RBM33: variants seen among roughly 807,000 people sequenced by gnomAD.
The protein encoded by RBM33 is RNA-binding protein 33.
In RBM33, 28 loss-of-function variants were observed where a neutral mutation model predicts 132.6. That is an observed-to-expected ratio of 0.21 (90% CI 0.16 to 0.29). The LOEUF is 0.29. Ranked by LOEUF, RBM33 falls within the 10% of genes least tolerant of loss-of-function variation. RBM33 has a pLI of 1.00. For synonymous variants in RBM33, 634 were observed against 593.0 expected (o/e 1.07, Z -1.01); for missense variants, 1,291 against 1,518.5 (o/e 0.85, Z 2.49).
chr7:155,758,488 C>T (rs1801922833), intron 14 of RBM33, among the ~76,000 whole-genome samples: 1 of 152,168 alleles, frequency 6.6e-6, no homozygotes, highest in South Asian at 2.1e-4. Context: ...ATTCATGCTC[C>T]CGTGAGAATG....
chr7:155,704,707 T>G (rs1269271191), intron 6 of RBM33, among the ~76,000 whole-genome samples: 2 of 152,270 alleles, frequency 1.3e-5, no homozygotes, highest in Non-Finnish European at 2.9e-5. Flanking sequence ...CCAGATTATT[T>G]TATTCCGAGT....
At chr7:155,762,811 C>G (rs145511797) in intron 14 of RBM33, among the ~76,000 whole-genome samples, 2 of 152,188 alleles carry the variant, frequency 1.3e-5, no homozygotes, top group Non-Finnish European at 2.9e-5. Flanking sequence ...GTGACTGACA[C>G]TCCCTCCCTG....
At chr7:155,771,110 G>C (rs1003996778) in intron 16 of RBM33, among the ~76,000 whole-genome samples, 1 of 152,186 alleles carries the variant, frequency 6.6e-6, no homozygotes. Flanking sequence ...TGAAGAAGGA[G>C]GTCCTTACAT....
chr7:155,727,917 C>G (rs1275164358), intron 9 of RBM33, among the ~76,000 whole-genome samples: 5 of 149,408 alleles, frequency 3.3e-5, no homozygotes, highest in Non-Finnish European at 7.4e-5. Context: ...GTGTGTCCCA[C>G]CATGCCTGGC....
intron 5 of RBM33, among the ~76,000 whole-genome samples, chr7:155,695,522 T>C (rs1799766398): frequency 6.6e-6 from 1 of 152,112 alleles, no homozygotes; most frequent in Admixed American, 6.5e-5. Flanking sequence ...TGCAGTGGCA[T>C]GATCTCGGCT....
At chr7:155,773,563 A>G in intron 16 of RBM33, among the ~76,000 whole-genome samples, 1 of 106,554 alleles carries the variant, frequency 9.4e-6, no homozygotes, top group Non-Finnish European at 1.8e-5. Context: ...GCGAGACTCC[A>G]TCTCCAAAAA....
chr7:155,753,266 C>T (rs1801740602), intron 14 of RBM33, among the ~76,000 whole-genome samples: 1 of 152,200 alleles, frequency 6.6e-6, no homozygotes, highest in African/African-American at 2.4e-5. Context: ...ATTATTGCCT[C>T]CTGAAAGTCC....
chr7:155,745,135 C>T lies in RBM33; in HGVS notation c.2512C>T (p.Pro838Ser), dbSNP rs149124924. The part of the protein sequence containing the change: ...AQQQQQLYAP[P>S]PPAEQEEQAL... ...GCAACAGCAGCAGCTGTACGCTCCC[C>T]CACCCCCAGCAGAGCAGGAAGAGCA... Residue 838 changes from proline to serine, a missense_variant, in exon 14 of 18, where the codon CCA (proline) becomes TCA (serine). Pro to Ser is a moderately conservative substitution (Grantham distance 74). Coordinates refer to ENST00000401878, the MANE Select transcript of RBM33 (RefSeq NM_053043.3). The surrounding 1 kb of genome is among the most constrained non-coding windows in gnomAD (Gnocchi z 4.1). 7.5e-6 allele frequency: 12 copies of T among 1,602,186 alleles called. No individual in the cohort carries two copies. In the African/African-American group the frequency reaches 1.2e-4, roughly 16 times the overall value.
chr7:155,714,246 T>C (rs1354563785), intron 8 of RBM33, among the ~76,000 whole-genome samples: 1 of 151,920 alleles, frequency 6.6e-6, no homozygotes, highest in Non-Finnish European at 1.5e-5. Flanking sequence ...TTTCACAAAG[T>C]AGTAAAGGGA....
chr7:155,679,724 CTG>C (rs1799285799), intron 4 of RBM33, among the ~76,000 whole-genome samples: 1 of 152,154 alleles, frequency 6.6e-6, no homozygotes, highest in African/African-American at 2.4e-5. Context: ...TTTGACATCA[CTG>C]TTATATTTTA....
In RBM33 at chr7:155,763,883, A is replaced by G. The variant is rs1173424997; in HGVS notation, c.3051A>G (p.Gly1017=). ...PQRLPQPPEV[G]PQPARKVTLT... The stretch of plus-strand genomic sequence containing the variant: ...GGCTTCCCCAGCCTCCGGAAGTGGG[A>G]CCACAGCCTGCCCGCAAGGTGACGC... Residue 1017 remains glycine (G), a synonymous_variant, in exon 15 of 18, where the codon GGA becomes GGG. Coordinates refer to ENST00000401878, the MANE Select transcript of RBM33 (RefSeq NM_053043.3). The G allele has an allele frequency of 2.5e-6, 4 of 1,611,438 alleles. No individual in the cohort carries two copies. The highest frequency in any genetic ancestry group is 3.4e-6 in the Non-Finnish European group (4 of 1,178,870).
chr7:155,727,166 T>C (rs1800816781), intron 9 of RBM33, among the ~76,000 whole-genome samples: 1 of 152,210 alleles, frequency 6.6e-6, no homozygotes, highest in Non-Finnish European at 1.5e-5. Flanking sequence ...TGTTTTTCCA[T>C]CTACCCATCA....
intron 6 of RBM33, among the ~76,000 whole-genome samples, chr7:155,703,336 G>A (rs1019549309): frequency 1.3e-5 from 2 of 152,140 alleles, no homozygotes; most frequent in Non-Finnish European, 2.9e-5. Context: ...GGTTTGTGGT[G>A]GGCAAGTCCT....
chr7:155,725,043 T>G (rs2117002667), intron 9 of RBM33, among the ~76,000 whole-genome samples: 1 of 149,386 alleles, frequency 6.7e-6, no homozygotes, highest in East Asian at 2.0e-4. Flanking sequence ...TGTGTACAGA[T>G]TTTTTTTGTG....
At chr7:155,767,079 G>C (rs1459041839) in intron 16 of RBM33, among the ~76,000 whole-genome samples, 1 of 152,190 alleles carries the variant, frequency 6.6e-6, no homozygotes, top group African/African-American at 2.4e-5. Context: ...ACTTGGTTTA[G>C]ATTTTACAAA....
intron 9 of RBM33, among the ~76,000 whole-genome samples, chr7:155,734,218 C>T (rs1478471114): frequency 1.3e-5 from 2 of 152,224 alleles, no homozygotes; most frequent in Non-Finnish European, 2.9e-5. Context: ...CCCCGGCAGG[C>T]GGTGCTCCTC....
chr7:155,738,385 C>T lies in RBM33; in HGVS notation c.1719C>T (p.His573=). 1.2e-6 allele frequency: 2 copies of T among 1,613,362 alleles called. No individual in the cohort carries two copies. Among genetic ancestry groups the T allele is most frequent in the Admixed American group, 1.7e-5 (1 of 60,016 alleles). ...PGPGQPFLPT[H]TQPNLQGPLH... ...CAGGACAGCCGTTTCTGCCCACACACACACAGCCCAACCTGCAGGTAATGC... is the reference window on the plus strand; with the variant it reads ...CAGGACAGCCGTTTCTGCCCACACATACACAGCCCAACCTGCAGGTAATGC... Residue 573 remains histidine, a synonymous_variant, in exon 11 of 18, where the codon CAC becomes CAT. Coordinates refer to ENST00000401878, the MANE Select transcript of RBM33 (RefSeq NM_053043.3).
intron 13 of RBM33, among the ~76,000 whole-genome samples, chr7:155,743,279 T>TA (rs1345265826): frequency 2.0e-5 from 3 of 152,258 alleles, no homozygotes; most frequent in African/African-American, 7.2e-5. Flanking sequence ...ATCATACTTC[T>TA]AGTGTATATA....
At chr7:155,736,218 G>A (rs1801121627) in intron 9 of RBM33, among the ~76,000 whole-genome samples, 1 of 152,188 alleles carries the variant, frequency 6.6e-6, no homozygotes, top group Non-Finnish European at 1.5e-5. Flanking sequence ...AGCATTTTCA[G>A]TGTTAGAAAA....
Sources: gnomAD v4.1 joint callset for allele counts (sites outside exome capture counted in the v4.1 genomes callset) on GRCh38, gnomAD v4.1.1 for gene constraint, Gnocchi (gnomAD v3.1) non-coding constraint, MANE v1.5 for transcripts, NCBI Gene and HGNC (gene_info 2026-07-23, HGNC 2026-07-21) for gene names.